The following PAMR1 variants were observed in gnomAD, a reference collection of about 807,000 sequenced individuals.
The protein encoded by PAMR1 is inactive serine protease PAMR1.
PAMR1 carries 88 observed loss-of-function variants against 81.8 expected under a neutral mutation model. That is an observed-to-expected ratio of 1.08 (90% CI 0.91 to 1.28). The LOEUF is 1.28. Ranked by LOEUF, PAMR1 falls within the 50% of genes most tolerant of loss-of-function variation. PAMR1 has a pLI of 0.00. For missense variants in PAMR1, 935 were observed against 919.7 expected (o/e 1.02, Z -0.21); for synonymous variants, 336 against 345.3 (o/e 0.97, Z 0.30).
intron 1 of PAMR1, among the ~76,000 whole-genome samples, chr11:35,505,906 G>A (rs888135236): frequency 4.6e-5 from 7 of 151,624 alleles, no homozygotes; most frequent in Non-Finnish European, 1.0e-4. Context: ...CTTGTTCTCT[G>A]TCATGTAACT....
chr11:35,472,325 C>A (rs142151700), intron 4 of PAMR1, among the ~76,000 whole-genome samples: 5 of 152,190 alleles, frequency 3.3e-5, no homozygotes, highest in African/African-American at 1.2e-4. Context: ...ACTATATTTG[C>A]GTTCATGCAT....
At chr11:35,521,476 C>A (rs1398950630) in intron 1 of PAMR1, among the ~76,000 whole-genome samples, 1 of 152,018 alleles carries the variant, frequency 6.6e-6, no homozygotes, top group Non-Finnish European at 1.5e-5. Context: ...AGTGTCAGAC[C>A]CTAGAGAGGA....
At chr11:35,527,646 A>G (rs556958685), upstream of PAMR1, among the ~76,000 whole-genome samples, 2 of 152,306 alleles carry the variant, frequency 1.3e-5, no homozygotes, top group African/African-American at 4.8e-5. Context: ...TGGGAAGAAG[A>G]TGACTTAGTT....
intron 6 of PAMR1, among the ~76,000 whole-genome samples, chr11:35,449,383 A>G (rs1387579074): frequency 1.3e-5 from 2 of 152,192 alleles, no homozygotes; most frequent in Non-Finnish European, 2.9e-5. Flanking sequence ...TGTCCCAGGA[A>G]GACTGGGGTT....
At chr11:35,525,375 C>G in intron 1 of PAMR1, 138 bp downstream of exon 1, 2 of 649,082 alleles carry the variant, frequency 3.1e-6, no homozygotes, top group Admixed American at 2.6e-5. Context: ...AAAAGCACCA[C>G]CCCCCCTCAA....
At chr11:35,488,496 C>T (rs1850554141) in intron 3 of PAMR1, among the ~76,000 whole-genome samples, 1 of 151,848 alleles carries the variant, frequency 6.6e-6, no homozygotes, top group Non-Finnish European at 1.5e-5. Context: ...GCTGGGGTTA[C>T]AGGTATGAGC....
intron 6 of PAMR1, among the ~76,000 whole-genome samples, chr11:35,467,253 C>CA (rs1488142005): frequency 1.3e-5 from 2 of 152,116 alleles, no homozygotes; most frequent in Non-Finnish European, 2.9e-5. Flanking sequence ...GCCAGCTTCC[C>CA]ACACCCCTAT....
chr11:35,442,358 G>C (rs1168491614), intron 6 of PAMR1, among the ~76,000 whole-genome samples: 1 of 152,204 alleles, frequency 6.6e-6, no homozygotes, highest in African/African-American at 2.4e-5. Context: ...CTGTTGAATG[G>C]CTATTAAAGT....
At chr11:35,440,200 A>T in intron 7 of PAMR1, among the ~76,000 whole-genome samples, 1 of 152,160 alleles carries the variant, frequency 6.6e-6, no homozygotes, top group East Asian at 1.9e-4. Flanking sequence ...GCCCAGTTTA[A>T]TTTTGTTGAA....
chr11:35,523,772 A>G (rs778134368), intron 1 of PAMR1, among the ~76,000 whole-genome samples: 7 of 152,138 alleles, frequency 4.6e-5, no homozygotes, highest in African/African-American at 1.4e-4. Flanking sequence ...AACAACTAAA[A>G]TATCCTTGCT....
chr11:35,476,442 T>C (rs912094552), intron 3 of PAMR1, among the ~76,000 whole-genome samples: 2 of 152,150 alleles, frequency 1.3e-5, no homozygotes, highest in African/African-American at 4.8e-5. Context: ...CTGATGGTTT[T>C]ATAAGGGGTT....
chr11:35,526,235 CT>C (rs1332016683), upstream of PAMR1, among the ~76,000 whole-genome samples: 3 of 152,210 alleles, frequency 2.0e-5, no homozygotes, highest in African/African-American at 7.2e-5. Context: ...AAGTTTTCCT[CT>C]TCCTATGATC....
At chr11:35,434,905 G>T (rs675227) in intron 9 of PAMR1, 101 bp from the exon 10 acceptor site, 1 of 1,131,440 alleles carries the variant, frequency 8.8e-7, no homozygotes, top group Non-Finnish European at 1.3e-6. Flanking sequence ...AAGGTGAACT[G>T]TATGGGCATG....
At chr11:35,466,046 G>C (rs528473664) in intron 6 of PAMR1, among the ~76,000 whole-genome samples, 1 of 151,658 alleles carries the variant, frequency 6.6e-6, no homozygotes, top group South Asian at 2.1e-4. Context: ...GGCTTTATCT[G>C]GTGATGTTTT....
chr11:35,525,643 G>A (rs1851373448), upstream of PAMR1: 1 of 1,517,670 alleles, frequency 6.6e-7, no homozygotes, highest in Admixed American at 1.7e-5. Flanking sequence ...GACCCAGGGA[G>A]GCCGGGGGCA....
intron 6 of PAMR1, among the ~76,000 whole-genome samples, chr11:35,458,429 C>T (rs2135364051): frequency 6.6e-6 from 1 of 152,294 alleles, no homozygotes; most frequent in South Asian, 2.1e-4. Flanking sequence ...ACATACAAAA[C>T]ATGTATTTCT....
chr11:35,452,047 A>G (rs1006015160), intron 6 of PAMR1: 3 of 465,638 alleles, frequency 6.4e-6, no homozygotes, highest in Admixed American at 8.1e-5. Flanking sequence ...AGAGAAATAC[A>G]GACAATAGAA....
intron 1 of PAMR1, among the ~76,000 whole-genome samples, chr11:35,503,639 T>C (rs1366247283): frequency 6.6e-6 from 1 of 152,166 alleles, no homozygotes; most frequent in Admixed American, 6.5e-5. Flanking sequence ...GTAGCTATTG[T>C]AAGTGGGTTA....
intron 6 of PAMR1, chr11:35,451,742 G>A (rs1257584468): frequency 2.0e-6 from 1 of 504,838 alleles, no homozygotes; most frequent in East Asian, 3.3e-5. Flanking sequence ...AGGATGTGGG[G>A]CATTTGGGAG....
Sources: allele counts gnomAD v4.1 joint callset (sites outside exome capture counted in the v4.1 genomes callset), GRCh38; gene constraint gnomAD v4.1.1; transcripts MANE v1.5; gene names NCBI Gene and HGNC (gene_info 2026-07-23, HGNC 2026-07-21).